The following ANK3 variants were observed in gnomAD, a reference collection of about 807,000 sequenced individuals.
ANK3 encodes the protein ankyrin 3.
Under a neutral mutation model 370.9 loss-of-function variants are expected in ANK3, and 57 were observed. That is an observed-to-expected ratio of 0.15 (90% confidence interval 0.12 to 0.19). The LOEUF (loss-of-function observed/expected upper bound fraction) is 0.19, where lower values mean the gene tolerates loss of function less well. ANK3 is among the 10% of genes least tolerant of loss of function. The pLI is 1.00. For synonymous variants in ANK3, 1,929 were observed against 1,946.3 expected, an observed-to-expected ratio of 0.99 and a Z score of 0.23; for missense variants, 4,439 against 5,302.1, an observed-to-expected ratio of 0.84 and a Z score of 5.06.
intron 1 of ANK3, among the ~76,000 whole-genome samples, chr10:60,387,380 A>G (rs2062532558): frequency 6.6e-6 from 1 of 152,202 alleles, no homozygotes; most frequent in South Asian, 2.1e-4. Flanking sequence ...AGGGTCATAT[A>G]TGGCTATGCC....
intron 7 of ANK3, among the ~76,000 whole-genome samples, chr10:60,239,457 T>C (rs1423769001): frequency 6.6e-6 from 1 of 151,776 alleles, no homozygotes; most frequent in Non-Finnish European, 1.5e-5. Context: ...TCATCAGAAA[T>C]TATGCAATCC....
At chr10:60,106,536 C>T (rs551743704) in intron 27 of ANK3, among the ~76,000 whole-genome samples, 12 of 152,192 alleles carry the variant, frequency 7.9e-5, no homozygotes, top group Non-Finnish European at 1.0e-4. Flanking sequence ...AATATGTTAA[C>T]GACTCCTCCA....
At chr10:60,294,260 T>C (rs1356868080) in intron 1 of ANK3, among the ~76,000 whole-genome samples, 1 of 152,162 alleles carries the variant, frequency 6.6e-6, no homozygotes, top group Non-Finnish European at 1.5e-5. Context: ...ATATACTCTA[T>C]ATGGTGCGAA....
chr10:60,457,597 T>C (rs1442003391), intron 2 of ANK3, among the ~76,000 whole-genome samples: 1 of 152,108 alleles, frequency 6.6e-6, no homozygotes, highest in Non-Finnish European at 1.5e-5. Context: ...CTTTAAGTCA[T>C]AGGATAAAAT....
chr10:60,399,845 T>C (rs1037996985), intron 2 of ANK3, among the ~76,000 whole-genome samples: 1 of 152,252 alleles, frequency 6.6e-6, no homozygotes, highest in Non-Finnish European at 1.5e-5. Flanking sequence ...CTAAAAATTC[T>C]TTCCAGCATA....
chr10:60,176,758 T>C (rs2095974289), intron 18 of ANK3, among the ~76,000 whole-genome samples: 1 of 151,254 alleles, frequency 6.6e-6, no homozygotes, highest in Non-Finnish European at 1.5e-5. Context: ...AAACTTCGTC[T>C]CAAAAAATAA....
chr10:60,265,971 T>A (rs558787608), intron 5 of ANK3, among the ~76,000 whole-genome samples: 1 of 152,176 alleles, frequency 6.6e-6, no homozygotes, highest in South Asian at 2.1e-4. Context: ...TGCCCTCTTC[T>A]TTTCTCTATG....
chr10:60,403,832 G>A (rs1465968996), intron 2 of ANK3, among the ~76,000 whole-genome samples: 1 of 152,056 alleles, frequency 6.6e-6, no homozygotes, highest in Non-Finnish European at 1.5e-5. Flanking sequence ...ATGACATGAT[G>A]GTTAACACAG....
At chr10:60,685,313 GA>G (rs1029207928) in intron 1 of ANK3, 5 of 200,168 alleles carry the variant, frequency 2.5e-5, no homozygotes, top group African/African-American at 1.2e-4. Context: ...ACCATTTGGG[GA>G]AGCCAAGCAA....
chr10:60,299,703 C>T (rs1048244758), intron 1 of ANK3, among the ~76,000 whole-genome samples: 1 of 152,134 alleles, frequency 6.6e-6, no homozygotes, highest in Non-Finnish European at 1.5e-5. Flanking sequence ...TACACAGTAT[C>T]CCTTAAGGGG....
intron 1 of ANK3, among the ~76,000 whole-genome samples, chr10:60,639,806 C>T (rs2078605105): frequency 6.6e-6 from 1 of 151,766 alleles, no homozygotes. Flanking sequence ...AAAAACAGAA[C>T]ATATGGATCA....
At chr10:60,362,880 A>G (rs2058821757) in intron 1 of ANK3, among the ~76,000 whole-genome samples, 1 of 152,072 alleles carries the variant, frequency 6.6e-6, no homozygotes, top group Non-Finnish European at 1.5e-5. Flanking sequence ...ACTCTGTCTG[A>G]GGAATTTGGG....
chr10:60,239,185 A>G (rs915916590), intron 7 of ANK3, among the ~76,000 whole-genome samples: 6 of 152,170 alleles, frequency 3.9e-5, no homozygotes, highest in Non-Finnish European at 8.8e-5. Context: ...GAGCTGCATA[A>G]GGAGAAGAGA....
At chr10:60,031,790 T>C (rs990116706) in intron 43 of ANK3, among the ~76,000 whole-genome samples, 9 of 152,192 alleles carry the variant, frequency 5.9e-5, no homozygotes, top group Non-Finnish European at 1.3e-4. Context: ...TTCCTCTCTC[T>C]GCCCCCCTAC....
chr10:60,701,973 A>T (rs2079550687), intron 1 of ANK3, among the ~76,000 whole-genome samples: 1 of 152,156 alleles, frequency 6.6e-6, no homozygotes. Context: ...AAAAACAAAA[A>T]TTAGGCTGGG....
chr10:60,556,780 A>T (rs1319700673), intron 2 of ANK3, among the ~76,000 whole-genome samples: 1 of 152,186 alleles, frequency 6.6e-6, no homozygotes, highest in East Asian at 1.9e-4. Flanking sequence ...TAAACATGGA[A>T]GTATAATACT....
At chr10:60,312,964 C>T (rs1318512735) in intron 1 of ANK3, among the ~76,000 whole-genome samples, 3 of 152,134 alleles carry the variant, frequency 2.0e-5, no homozygotes, top group Non-Finnish European at 4.4e-5. Flanking sequence ...CATCAAGAGG[C>T]CAAACTGAAG....
intron 1 of ANK3, among the ~76,000 whole-genome samples, chr10:60,379,468 G>C (rs188125572): frequency 2.0e-3 from 309 of 151,984 alleles, no homozygotes; most frequent in Non-Finnish European, 3.1e-3. Context: ...AATCAACCTA[G>C]GTGTCCAAAA....
At chr10:60,084,445 A>T (rs760385240) in intron 32 of ANK3, 157 bp downstream of exon 32, 2 of 403,560 alleles carry the variant, frequency 5.0e-6, no homozygotes, top group Non-Finnish European at 8.4e-6. Context: ...TAAAAAAGAT[A>T]AAAAAATTTG....
Sources: allele counts gnomAD v4.1 joint callset (sites outside exome capture counted in the v4.1 genomes callset), GRCh38; gene constraint gnomAD v4.1.1; transcripts MANE v1.5; gene names NCBI Gene and HGNC (gene_info 2026-07-23, HGNC 2026-07-21).